PCDHGC3: variants seen among roughly 807,000 people sequenced by gnomAD.
PCDHGC3 encodes protocadherin gamma subfamily C, 3.
PCDHGC3 carries 26 observed loss-of-function variants against 59.2 expected under a neutral mutation model. That is an observed-to-expected ratio of 0.44 (90% CI 0.32 to 0.61). The LOEUF (loss-of-function observed/expected upper bound fraction) is 0.61. Among genes scored for constraint, PCDHGC3 ranks in the 20% least tolerant of loss-of-function variants. The pLI, the probability that PCDHGC3 is intolerant of heterozygous loss-of-function variation, is 0.05. For missense variants in PCDHGC3, 1,080 were observed against 1,221.8 expected (o/e 0.88, Z 1.73); for synonymous variants, 487 against 519.7 (o/e 0.94, Z 0.86).
Position 141,490,970 on chromosome 5 carries a change from A to G in PCDHGC3, c.2431-3837A>G. ...CCAGACTGGGAACACTCAGCCCCCC[A>G]GCGTCTCCCTCGCTCTGCTCCTCCT... On this transcript the variant is annotated intron_variant, in intron 1 of 3. Coordinates refer to ENST00000308177, the MANE Select transcript of PCDHGC3 (RefSeq NM_002588.4). This position sits in a 1 kb window ranked among gnomAD's most constrained non-coding sequence, Gnocchi z 5.4. 1 of 1,613,858 alleles carries G rather than the reference A, an allele frequency of 6.2e-7. No individual in the cohort carries two copies. Among genetic ancestry groups the G allele is most frequent in the South Asian group, 1.1e-5 (1 of 91,062 alleles).
In PCDHGC3 at chr5:141,485,990, C is replaced by T. The variant is rs1285988124; in HGVS notation, c.2430+7444C>T. 2.5e-6 allele frequency: 4 copies of T among 1,614,168 alleles called. No homozygotes were observed. The stretch of plus-strand genomic sequence containing the variant: ...CAATGCCTCAGACCCGGACCTGGGT[C>T]CCAGTGGTAACGTCACCTTTTATTT... On this transcript the variant is annotated intron_variant, in intron 1 of 3. Coordinates refer to ENST00000308177, the MANE Select transcript of PCDHGC3 (RefSeq NM_002588.4). This position sits in a 1 kb window ranked among gnomAD's most constrained non-coding sequence, Gnocchi z 5.7.
rs768383792 is a variant in PCDHGC3 at position 141,476,155 on chromosome 5, C to A, written c.39C>A (p.Thr13=). 1.2e-6 allele frequency: 2 copies of A among 1,612,382 alleles called. No homozygotes were observed. Among genetic ancestry groups the A allele is most frequent in the Non-Finnish European group, 1.7e-6 (2 of 1,179,764 alleles). Residue 13 remains threonine (T), a synonymous_variant, in exon 1 of 4, where the codon ACC becomes ACA. Coordinates refer to ENST00000308177, the MANE Select transcript of PCDHGC3 (RefSeq NM_002588.4). This position sits in a 1 kb window ranked among gnomAD's most constrained non-coding sequence, Gnocchi z 7.6. ...CCTGGAGGAGCGGACTGGTAAGCAC[C>A]GGGAGGGTAGTGGGAGTTTTGCTTC... is the stretch of plus-strand genomic sequence containing the variant. ...PEAWRSGLVS[T]GRVVGVLLLL... is the part of the protein sequence containing the mutation.
chr5:141,494,142 A>AAGACAACT (rs2099752181), intron 1 of PCDHGC3, among the ~76,000 whole-genome samples: 5 of 152,090 alleles, frequency 3.3e-5, no homozygotes, highest in Admixed American at 6.5e-5. Context: ...TTAGTCACAG[A>AAGACAACT]CCATTGTCTG....
chr5:141,507,609 A>G (rs2099862010), intron 3 of PCDHGC3, among the ~76,000 whole-genome samples: 1 of 152,260 alleles, frequency 6.6e-6, no homozygotes, highest in Non-Finnish European at 1.5e-5. Context: ...ATAAACAGGT[A>G]TATTTAGCTG....
chr5:141,504,546 G>A (rs911626023), intron 2 of PCDHGC3, among the ~76,000 whole-genome samples: 5 of 151,802 alleles, frequency 3.3e-5, no homozygotes, highest in African/African-American at 1.2e-4. Flanking sequence ...CATGGCAAAT[G>A]TTGGGGGACT....
chr5:141,507,619 G>T (rs1237918589), intron 3 of PCDHGC3, among the ~76,000 whole-genome samples: 22 of 152,256 alleles, frequency 1.4e-4, no homozygotes, highest in Admixed American at 1.4e-3. Context: ...ATATTTAGCT[G>T]TTGTGGCCTT....
chr5:141,496,783 C>T (rs572860852), intron 2 of PCDHGC3, among the ~76,000 whole-genome samples: 1 of 152,162 alleles, frequency 6.6e-6, no homozygotes, highest in East Asian at 1.9e-4. Context: ...GAGCAGGGCC[C>T]TGTGCTAAAC....
At chr5:141,503,089 G>C (rs1352372525) in intron 2 of PCDHGC3, among the ~76,000 whole-genome samples, 2 of 151,590 alleles carry the variant, frequency 1.3e-5, no homozygotes, top group Non-Finnish European at 2.9e-5. Context: ...TCCTGACCTC[G>C]TGGTCTGCCC....
intron 2 of PCDHGC3, among the ~76,000 whole-genome samples, chr5:141,495,725 C>G (rs1339925752): frequency 1.3e-5 from 2 of 151,986 alleles, no homozygotes; most frequent in African/African-American, 4.8e-5. Flanking sequence ...TACACGGGAC[C>G]CTTAGTCTCT....
intron 3 of PCDHGC3, 87 bp from the exon 4 acceptor site, chr5:141,510,854 TGTATAG>T: frequency 6.2e-7 from 1 of 1,602,320 alleles, no homozygotes; most frequent in Non-Finnish European, 8.5e-7. Flanking sequence ...CCCAGGGTGC[TGTATAG>T]GCATTCATTA....
intron 2 of PCDHGC3, among the ~76,000 whole-genome samples, chr5:141,504,722 C>T (rs747319660): frequency 1.3e-5 from 2 of 151,828 alleles, no homozygotes; most frequent in Non-Finnish European, 2.9e-5. Context: ...GGATTTTACT[C>T]TGAGGGCTTA....
intron 1 of PCDHGC3, among the ~76,000 whole-genome samples, chr5:141,480,700 C>A (rs1327284592): frequency 1.3e-5 from 2 of 152,192 alleles, no homozygotes; most frequent in Admixed American, 6.5e-5. Flanking sequence ...CCAGGCCACA[C>A]CCCGACAAAT....
At position 141,494,781 on chromosome 5, in the gene PCDHGC3, C is replaced by A. The variant is rs145360252; in HGVS notation, c.2431-26C>A. On this transcript the variant is annotated intron_variant, in intron 1 of 3. Coordinates refer to ENST00000308177, the MANE Select transcript of PCDHGC3 (RefSeq NM_002588.4). ...ATTCTAACTTCTCACGGGTACTCAG[C>A]CCCTTTCCCTCTGTTTTCTCCACAG... 6,156 of 1,614,074 alleles carry A rather than the reference C, an allele frequency of 3.8e-3. 13 individuals are homozygous for A. Among genetic ancestry groups the A allele is most frequent in the Middle Eastern group, 8.1e-3 (49 of 6,062 alleles).
Position 141,491,676 on chromosome 5 carries a change from T to C in PCDHGC3, c.2431-3131T>C. On this transcript the variant is annotated intron_variant, in intron 1 of 3. Coordinates refer to ENST00000308177, the MANE Select transcript of PCDHGC3 (RefSeq NM_002588.4). The surrounding 1 kb of genome is among the most constrained non-coding windows in gnomAD (Gnocchi z 6.9). ...AGCCTGACGCCATCCGGTCCCGCTC[T>C]AATACGCTGCGGGAGCGGAGCCAGG... 3.1e-6 allele frequency: 5 copies of C among 1,613,546 alleles called. No individual in the cohort carries two copies. Among genetic ancestry groups the C allele is most frequent in the Non-Finnish European group, 4.2e-6 (5 of 1,179,848 alleles).
intron 2 of PCDHGC3, 88 bp from the exon 3 acceptor site, chr5:141,505,305 C>G (rs1363643214): frequency 1.0e-5 from 16 of 1,595,104 alleles, no homozygotes; most frequent in African/African-American, 2.7e-5. Flanking sequence ...GGTTAGGGTA[C>G]TAGGTTTGGG....
rs764389909 is a variant in PCDHGC3, at chr5:141,491,064, ACTGTTG to A, written c.2431-3741_2431-3736del. On this transcript the variant is annotated intron_variant, in intron 1 of 3. Transcript: ENST00000308177. The surrounding 1 kb of genome is among the most constrained non-coding windows in gnomAD (Gnocchi z 6.9). ...GCCACAATGCGTGGCTCTCCTACTCACTGTTGCCACAGTCCACAGCCCCAGGACTGT... is the reference window on the plus strand; with the variant it reads ...GCCACAATGCGTGGCTCTCCTACTCACCACAGTCCACAGCCCCAGGACTGT... 1.2e-6 allele frequency: 2 copies of A among 1,613,962 alleles called. No homozygotes were observed. Among genetic ancestry groups the A allele is most frequent in the Admixed American group, 3.3e-5 (2 of 60,010 alleles).
At chr5:141,501,602 A>T (rs766918685) in intron 2 of PCDHGC3, among the ~76,000 whole-genome samples, 1 of 152,026 alleles carries the variant, frequency 6.6e-6, no homozygotes. Flanking sequence ...TACCAGTTCC[A>T]GCTGTGTGAC....
In PCDHGC3 at chr5:141,491,996, G is replaced by T; in HGVS notation, c.2431-2811G>T. ...TCCTTCGAGCTTCCGGTGAATTTCG[G>T]GCGATTTCCGCGGGTGTCGGGGGTC... is the stretch of plus-strand genomic sequence containing the variant. On this transcript the variant is annotated intron_variant, in intron 1 of 3. Coordinates refer to ENST00000308177, the MANE Select transcript of PCDHGC3 (RefSeq NM_002588.4). This position sits in a 1 kb window ranked among gnomAD's most constrained non-coding sequence, Gnocchi z 6.9. The T allele has an allele frequency of 2.9e-6, 2 of 686,328 alleles. No individual in the cohort carries two copies. Among genetic ancestry groups the T allele is most frequent in the Non-Finnish European group, 4.5e-6 (2 of 441,080 alleles). 42.5% of individuals were successfully genotyped at this position (686,328 alleles called of 1,614,324 possible). A position where few individuals can be genotyped will look rare whatever the true frequency, so the allele number is the denominator to read the frequency against.
intron 3 of PCDHGC3, among the ~76,000 whole-genome samples, chr5:141,509,693 G>A (rs72790076): frequency 0.024 from 3,613 of 152,246 alleles, 55 homozygotes; most frequent in East Asian, 0.046. Flanking sequence ...ACAGTGGGAC[G>A]TTGGACTGGA....
Sources: allele counts gnomAD v4.1 joint callset (sites outside exome capture counted in the v4.1 genomes callset), GRCh38; gene constraint gnomAD v4.1.1; non-coding constraint Gnocchi (gnomAD v3.1); transcripts MANE v1.5; gene names NCBI Gene and HGNC (gene_info 2026-07-23, HGNC 2026-07-21).